The following HECW1 variants were observed in gnomAD, a reference collection of about 807,000 sequenced individuals.
HECW1 encodes E3 ubiquitin-protein ligase HECW1.
Under a neutral mutation model 182.3 loss-of-function variants are expected in HECW1, and 61 were observed. The ratio of observed to expected loss-of-function variants is 0.33; its 90% CI spans 0.27 to 0.41. HECW1 has a LOEUF of 0.41. Ranked by LOEUF, HECW1 falls within the 10% of genes least tolerant of loss-of-function variation. The pLI is 1.00. For synonymous variants in HECW1, 859 were observed against 832.6 expected, an observed-to-expected ratio of 1.03 and a Z score of -0.55; for missense variants, 1,739 against 2,108.9, an observed-to-expected ratio of 0.82 and a Z score of 3.44.
At chr7:43,179,789 C>G (rs1792631968) in intron 2 of HECW1, among the ~76,000 whole-genome samples, 1 of 152,112 alleles carries the variant, frequency 6.6e-6, no homozygotes, top group Admixed American at 6.5e-5. Context: ...GCCCATACCT[C>G]AGTGTTATAT....
At chr7:43,188,437 C>T (rs538400091) in intron 2 of HECW1, among the ~76,000 whole-genome samples, 16 of 152,192 alleles carry the variant, frequency 1.1e-4, no homozygotes, top group African/African-American at 1.4e-4. Context: ...ACCATCTACA[C>T]GAAGGCATTT....
At chr7:43,292,852 G>T (rs550184299) in intron 3 of HECW1, among the ~76,000 whole-genome samples, 10 of 152,282 alleles carry the variant, frequency 6.6e-5, no homozygotes, top group African/African-American at 2.2e-4. Context: ...AAGTTGTCCA[G>T]GTTCTTGGCA....
chr7:43,479,810 G>T (rs1338913219), intron 17 of HECW1, 66 bp downstream of exon 17: 21 of 1,584,786 alleles, frequency 1.3e-5, no homozygotes, highest in Non-Finnish European at 1.6e-5. Flanking sequence ...CATGGGAGCA[G>T]AACAGTTCTT....
At chr7:43,181,737 CTT>C (rs1792879895) in intron 2 of HECW1, among the ~76,000 whole-genome samples, 1 of 150,804 alleles carries the variant, frequency 6.6e-6, no homozygotes, top group African/African-American at 2.5e-5. Context: ...GATATTAACT[CTT>C]TGTCAGATGT....
chr7:43,456,504 C>G, intron 13 of HECW1, 57 bp downstream of exon 13: 1 of 1,527,310 alleles, frequency 6.5e-7, no homozygotes, highest in Non-Finnish European at 9.0e-7. Context: ...AGAATGGCAG[C>G]TAGAGACGCT....
At chr7:43,217,219 T>C (rs950482429) in intron 2 of HECW1, among the ~76,000 whole-genome samples, 1 of 152,220 alleles carries the variant, frequency 6.6e-6, no homozygotes, top group Admixed American at 6.5e-5. Flanking sequence ...AACACTCACT[T>C]ACCTTTCTCA....
chr7:43,298,324 G>C (rs12375030), intron 3 of HECW1, among the ~76,000 whole-genome samples: 17,397 of 152,248 alleles, frequency 0.11, 1,125 homozygotes, highest in African/African-American at 0.17. Context: ...CAGAGGCCAT[G>C]ATTTCTATTT....
chr7:43,195,222 G>A (rs547402938), intron 2 of HECW1, among the ~76,000 whole-genome samples: 1 of 152,344 alleles, frequency 6.6e-6, no homozygotes, highest in Admixed American at 6.5e-5. Flanking sequence ...AAGTGTTAAT[G>A]GTATGGTGTT....
chr7:43,323,690 T>C (rs1177599286), intron 5 of HECW1, among the ~76,000 whole-genome samples: 1 of 152,156 alleles, frequency 6.6e-6, no homozygotes, highest in Non-Finnish European at 1.5e-5. Flanking sequence ...CATAATGGAA[T>C]GAAAGCATAT....
chr7:43,257,025 G>A (rs1011078013), intron 3 of HECW1, among the ~76,000 whole-genome samples: 4 of 152,200 alleles, frequency 2.6e-5, no homozygotes, highest in African/African-American at 4.8e-5. Context: ...TTAACAGTTA[G>A]TGTCACAATG....
intron 2 of HECW1, among the ~76,000 whole-genome samples, chr7:43,156,003 A>G (rs1789841125): frequency 6.6e-6 from 1 of 152,240 alleles, no homozygotes; most frequent in Non-Finnish European, 1.5e-5. Flanking sequence ...GAATGAGTCC[A>G]GTGACAGTAA....
At chr7:43,522,520 C>A (rs563368226) in intron 24 of HECW1, 1 of 152,614 alleles carries the variant, frequency 6.6e-6, no homozygotes, top group South Asian at 2.1e-4. Context: ...CACAGAGTTG[C>A]CATGGGCTCT....
intron 3 of HECW1, among the ~76,000 whole-genome samples, chr7:43,282,582 G>A (rs1375778768): frequency 6.6e-6 from 1 of 152,028 alleles, no homozygotes; most frequent in African/African-American, 2.4e-5. Context: ...GACACAAACT[G>A]TTCAAGAAAA....
At chr7:43,211,537 G>A (rs879533664) in intron 2 of HECW1, among the ~76,000 whole-genome samples, 4 of 152,144 alleles carry the variant, frequency 2.6e-5, no homozygotes, top group Admixed American at 2.6e-4. Context: ...ATTCCCAGGG[G>A]TGAAAGACTT....
chr7:43,325,369 C>G (rs1400317652), intron 5 of HECW1, among the ~76,000 whole-genome samples: 1 of 152,184 alleles, frequency 6.6e-6, no homozygotes, highest in African/African-American at 2.4e-5. Flanking sequence ...TCAGAGGGAG[C>G]TAGCACAGTC....
At chr7:43,248,000 GGAAA>G (rs1384660410) in intron 3 of HECW1, among the ~76,000 whole-genome samples, 8 of 135,076 alleles carry the variant, frequency 5.9e-5, no homozygotes, top group South Asian at 5.3e-4. Flanking sequence ...AAGGAAGGAA[GGAAA>G]GAAAGAGAGA....
At chr7:43,543,514 C>T (rs1232582847) in intron 26 of HECW1, among the ~76,000 whole-genome samples, 1 of 152,142 alleles carries the variant, frequency 6.6e-6, no homozygotes, top group Non-Finnish European at 1.5e-5. Flanking sequence ...CACGGTGGCT[C>T]ACGCCTGTAA....
At chr7:43,230,280 G>C (rs1797769149) in intron 2 of HECW1, among the ~76,000 whole-genome samples, 1 of 152,166 alleles carries the variant, frequency 6.6e-6, no homozygotes, top group African/African-American at 2.4e-5. Context: ...TATAGTCCTA[G>C]CTACTCAGGA....
At chr7:43,547,892 T>G (rs2164040) in intron 26 of HECW1, among the ~76,000 whole-genome samples, 46,996 of 152,178 alleles carry the variant, frequency 0.31, 7,380 homozygotes, top group Middle Eastern at 0.41. Context: ...TGGAAAATAT[T>G]CAGTAAACAA....
Sources: gnomAD v4.1 joint callset for allele counts (sites outside exome capture counted in the v4.1 genomes callset) on GRCh38, gnomAD v4.1.1 for gene constraint, MANE v1.5 for transcripts, NCBI Gene and HGNC (gene_info 2026-07-23, HGNC 2026-07-21) for gene names.